PTPRR: variants seen among roughly 807,000 people sequenced by gnomAD.
The protein encoded by PTPRR is protein tyrosine phosphatase receptor type R, also known as receptor-type tyrosine-protein phosphatase R.
In PTPRR, 38 loss-of-function variants were observed where a neutral mutation model predicts 77.2. The observed-to-expected ratio is 0.49, with a 90% CI of 0.38 to 0.65. The LOEUF (loss-of-function observed/expected upper bound fraction) is 0.65, where lower values mean the gene tolerates loss of function less well. Among genes scored for constraint, PTPRR ranks in the 30% least tolerant of loss-of-function variants. The pLI is 0.00. For missense variants in PTPRR, 744 were observed against 799.2 expected (o/e 0.93, Z 0.83); for synonymous variants, 299 against 283.1 (o/e 1.06, Z -0.57).
chr12:70,817,606 GTCTT>G (rs1471858250), intron 2 of PTPRR, among the ~76,000 whole-genome samples: 1 of 152,160 alleles, frequency 6.6e-6, no homozygotes, highest in Non-Finnish European at 1.5e-5. Flanking sequence ...TTTATACACA[GTCTT>G]GTTGAACAGG....
At chr12:70,840,783 A>G (rs1892382656) in intron 2 of PTPRR, among the ~76,000 whole-genome samples, 1 of 152,100 alleles carries the variant, frequency 6.6e-6, no homozygotes, top group African/African-American at 2.4e-5. Flanking sequence ...TCTCCATTTG[A>G]GCACATTAAT....
At chr12:70,786,084 C>G (rs1328032799) in intron 2 of PTPRR, among the ~76,000 whole-genome samples, 1 of 152,172 alleles carries the variant, frequency 6.6e-6, no homozygotes, top group African/African-American at 2.4e-5. Context: ...GGCAGAAACC[C>G]TGTGTGGCCA....
intron 13 of PTPRR, among the ~76,000 whole-genome samples, chr12:70,655,488 C>A (rs1389180863): frequency 6.6e-6 from 1 of 152,166 alleles, no homozygotes; most frequent in Non-Finnish European, 1.5e-5. Context: ...AATATGGAAG[C>A]AACTGAAGTC....
intron 8 of PTPRR, chr12:70,685,037 C>T (rs1324555222): frequency 6.6e-6 from 2 of 304,110 alleles, no homozygotes; most frequent in Non-Finnish European, 6.0e-6. Flanking sequence ...TCATCTGTTC[C>T]GGTTCTCGAC....
At chr12:70,826,639 T>A (rs141022214) in intron 2 of PTPRR, among the ~76,000 whole-genome samples, 7 of 152,280 alleles carry the variant, frequency 4.6e-5, no homozygotes, top group African/African-American at 1.4e-4. Flanking sequence ...AACTTGTCAA[T>A]CCATGTGCTT....
intron 10 of PTPRR, among the ~76,000 whole-genome samples, chr12:70,681,270 T>C (rs916312764): frequency 2.6e-5 from 4 of 152,180 alleles, no homozygotes; most frequent in East Asian, 1.9e-4. Flanking sequence ...GTTGTGGCTC[T>C]GGTTTCAAAA....
chr12:70,859,552 A>C (rs1892714085), intron 2 of PTPRR, among the ~76,000 whole-genome samples: 2 of 152,100 alleles, frequency 1.3e-5, no homozygotes, highest in Non-Finnish European at 2.9e-5. Flanking sequence ...TATAAGATTT[A>C]TAATGAATAG....
intron 6 of PTPRR, among the ~76,000 whole-genome samples, chr12:70,740,171 C>T (rs532436432): frequency 6.6e-6 from 1 of 151,952 alleles, no homozygotes; most frequent in Non-Finnish European, 1.5e-5. Context: ...ATATATGAAA[C>T]ATATTACATA....
intron 6 of PTPRR, among the ~76,000 whole-genome samples, chr12:70,712,559 T>C (rs1001651108): frequency 6.6e-6 from 1 of 150,938 alleles, no homozygotes; most frequent in Non-Finnish European, 1.5e-5. Flanking sequence ...TAAAGAGTTT[T>C]TATTTTTGAT....
In PTPRR at chr12:70,700,386, C is replaced by T. The variant is rs75859520; in HGVS notation, c.1194+751G>A. Among the ~76,000 whole-genome samples the T allele has an allele frequency of 9.6e-3, 1,455 of 152,314 alleles. 8 individuals carry two copies. The highest frequency in any genetic ancestry group is 0.041 in the Middle Eastern group (12 of 294). On this transcript the variant is annotated intron_variant, in intron 7 of 13. Transcript: ENST00000283228. Reference sequence around the variant, plus strand: ...TATGTTATCATGCTTTAAGCTTTCACTAGCAACACTGGTATGTCTAAAACT... The same window carrying T: ...TATGTTATCATGCTTTAAGCTTTCATTAGCAACACTGGTATGTCTAAAACT...
intron 1 of PTPRR, among the ~76,000 whole-genome samples, chr12:70,907,576 C>A (rs1168901247): frequency 6.6e-6 from 1 of 152,022 alleles, no homozygotes; most frequent in Non-Finnish European, 1.5e-5. Context: ...TGATTTTTGC[C>A]CAGCTTTAAT....
chr12:70,678,974 G>A (rs527463118), intron 10 of PTPRR, among the ~76,000 whole-genome samples: 1 of 152,288 alleles, frequency 6.6e-6, no homozygotes, highest in East Asian at 1.9e-4. Flanking sequence ...AAGCCACGCT[G>A]CCCAGCCTGT....
intron 2 of PTPRR, among the ~76,000 whole-genome samples, chr12:70,790,676 A>G (rs1891406797): frequency 6.6e-6 from 1 of 151,682 alleles, no homozygotes; most frequent in Non-Finnish European, 1.5e-5. Flanking sequence ...ACTCACCTCT[A>G]CCCTACATCT....
intron 6 of PTPRR, among the ~76,000 whole-genome samples, chr12:70,704,766 A>G (rs1356077052): frequency 6.6e-6 from 1 of 152,152 alleles, no homozygotes; most frequent in Non-Finnish European, 1.5e-5. Context: ...AAAAAAATTG[A>G]CAGAATTTAG....
At chr12:70,878,459 T>G (rs1178586504) in intron 2 of PTPRR, among the ~76,000 whole-genome samples, 24 of 152,150 alleles carry the variant, frequency 1.6e-4, no homozygotes, top group Admixed American at 1.2e-3. Context: ...CAGACACTTC[T>G]CAAAAGAAGA....
At chr12:70,689,054 G>A (rs1887969532) in intron 8 of PTPRR, among the ~76,000 whole-genome samples, 2 of 151,948 alleles carry the variant, frequency 1.3e-5, no homozygotes, top group South Asian at 4.1e-4. Context: ...AAGGGGAGAT[G>A]GTGGTCAAAG....
intron 13 of PTPRR, among the ~76,000 whole-genome samples, chr12:70,646,351 G>C (rs1216825186): frequency 6.6e-6 from 1 of 152,154 alleles, no homozygotes; most frequent in African/African-American, 2.4e-5. Context: ...CAGGTATTTT[G>C]AACATAGACA....
intron 2 of PTPRR, among the ~76,000 whole-genome samples, chr12:70,876,922 T>C (rs1893061531): frequency 6.6e-6 from 1 of 152,098 alleles, no homozygotes; most frequent in Non-Finnish European, 1.5e-5. Flanking sequence ...TTCTGGCTGA[T>C]GGAAAAGATG....
At chr12:70,784,067 G>A (rs1305959974) in intron 2 of PTPRR, among the ~76,000 whole-genome samples, 1 of 131,732 alleles carries the variant, frequency 7.6e-6, no homozygotes, top group Non-Finnish European at 1.6e-5. Flanking sequence ...TGGGTCTGCG[G>A]TTTGGGTGGC....
Sources: allele counts gnomAD v4.1 joint callset (sites outside exome capture counted in the v4.1 genomes callset), GRCh38; gene constraint gnomAD v4.1.1; transcripts MANE v1.5; gene names NCBI Gene and HGNC (gene_info 2026-07-23, HGNC 2026-07-21).